The following STAB1 variants were observed in gnomAD, a reference collection of about 807,000 sequenced individuals.
The protein encoded by STAB1 is stabilin 1.
A neutral mutation model predicts 332.4 loss-of-function variants in STAB1; 250 were observed. That is an observed-to-expected ratio of 0.75 (90% CI 0.68 to 0.84). STAB1 has a LOEUF of 0.84. Among genes scored for constraint, STAB1 ranks in the 40% least tolerant of loss-of-function variants. The pLI is 0.00. For synonymous variants in STAB1, 1,475 were observed against 1,390.4 expected, an observed-to-expected ratio of 1.06 and a Z score of -1.35; for missense variants, 3,249 against 3,489.7, an observed-to-expected ratio of 0.93 and a Z score of 1.74.
chr3:52,506,262 G>A lies in STAB1; in HGVS notation c.1830+12G>A, dbSNP rs75916212. ...ACATTTCTGAGGAGGTGAGGTGCAC[G>A]GACACCTGGGCGGATGGTGGGGCTG... On this transcript the variant is annotated intron_variant, in intron 17 of 68. Transcript: ENST00000321725. The A allele has an allele frequency of 1.5e-3, 2,373 of 1,606,996 alleles. 55 individuals are homozygous for A. In the East Asian group the frequency reaches 0.048, roughly 33 times the overall value.
At chr3:52,503,647 G>A (rs1708618622) in intron 8 of STAB1, 107 bp downstream of exon 8, 1 of 1,555,118 alleles carries the variant, frequency 6.4e-7, no homozygotes, top group Non-Finnish European at 8.7e-7. Flanking sequence ...TTCCCCACTT[G>A]TAAAGTGGGG....
At position 52,520,840 on chromosome 3, in the gene STAB1, T is replaced by C. The variant is rs769088486; in HGVS notation, c.5743T>C (p.Phe1915Leu). The C allele has an allele frequency of 2.5e-6, 4 of 1,612,696 alleles. No individual in the cohort carries two copies. Among genetic ancestry groups the C allele is most frequent in the Non-Finnish European group, 3.4e-6 (4 of 1,180,016 alleles). ...GGCCTGCTGGCGCTTCTACCCGAAG[T>C]TCTGGACGTCCCCTCCGCTGCACTC... ...PEACWRFYPKFWTSPPLHSLG... is the reference protein window; with the variant it reads ...PEACWRFYPKLWTSPPLHSLG... Residue 1915 changes from phenylalanine (F) to leucine (L), a missense_variant, in exon 55 of 69, where the codon TTC becomes CTC. By Grantham distance (22) the Phe-to-Leu change is conservative. Coordinates refer to ENST00000321725, the MANE Select transcript of STAB1 (RefSeq NM_015136.3).
At chr3:52,506,145 A>G in intron 16 of STAB1, 25 bp from the exon 17 acceptor site, 1 of 1,603,874 alleles carries the variant, frequency 6.2e-7, no homozygotes, top group Non-Finnish European at 8.5e-7. Context: ...AGCCCAGCCT[A>G]AAGCCACACT....
At chr3:52,515,983 C>G in intron 37 of STAB1, 60 bp from the exon 38 acceptor site, 1 of 1,500,658 alleles carries the variant, frequency 6.7e-7, no homozygotes, top group Non-Finnish European at 8.9e-7. Flanking sequence ...CCCCCGTTCC[C>G]CTTCCCCCTG....
intron 15 of STAB1, 37 bp downstream of exon 15, chr3:52,505,818 G>A: frequency 6.2e-7 from 1 of 1,613,698 alleles, no homozygotes; most frequent in Non-Finnish European, 8.5e-7. Flanking sequence ...GGGTATGGGG[G>A]CACCAGGACC....
chr3:52,524,194 C>T lies in STAB1; in HGVS notation c.7637C>T (p.Thr2546Ile), dbSNP rs1224068418. 4 of 1,614,122 alleles carry T rather than the reference C, an allele frequency of 2.5e-6. No individual in the cohort carries two copies. The Admixed American group carries it at 5.0e-5, about 20-fold the overall frequency. ...CCCAACCCTGTCTTTGGCAGCGACA[C>T]CTTTTGTGAACCCTTCGATGTAAGC... ...SVPNPVFGSD[T>I]FCEPFDDSLL... Residue 2546 changes from threonine to isoleucine, a missense_variant, in exon 68 of 69, where the codon ACC becomes ATC. Coordinates refer to ENST00000321725, the MANE Select transcript of STAB1 (RefSeq NM_015136.3).
chr3:52,504,187 A>G (rs1578365571), intron 10 of STAB1, 32 bp downstream of exon 10: 1 of 1,562,832 alleles, frequency 6.4e-7, no homozygotes, highest in South Asian at 1.2e-5. Context: ...CCACGACCCG[A>G]CCCCTCACCC....
rs773026752 is a variant in STAB1, at chr3:52,518,754, A to C, written c.4919A>C (p.Gln1640Pro). ...DELARIRAHR[Q>P]LVFRYHVVGC... ...CTGGCCCGGATTCGTGCGCATCGCCAGCTGGTGTTTCGCTACCACGTGGTT... is the reference window on the plus strand; with the variant it reads ...CTGGCCCGGATTCGTGCGCATCGCCCGCTGGTGTTTCGCTACCACGTGGTT... The change falls in exon 48 of 69, where the codon CAG becomes CCG. Residue 1640 changes from glutamine (Q) to proline (P), a missense_variant. Physicochemically the swap from Gln to Pro is moderately conservative, Grantham distance 76. Coordinates refer to ENST00000321725, the MANE Select transcript of STAB1 (RefSeq NM_015136.3). 1 of 1,612,540 alleles carries C rather than the reference A, an allele frequency of 6.2e-7. No individual in the cohort carries two copies.
In STAB1 at chr3:52,514,835, A is replaced by AG; in HGVS notation, c.3807+8dup. 1.2e-6 allele frequency: 2 copies of AG among 1,612,802 alleles called. No individual in the cohort carries two copies. The highest frequency in any genetic ancestry group is 2.2e-5 in the South Asian group (2 of 91,066). ...GCCACGCTGAGGCCCTGCGGGTGAG[A>AG]GGCTGGGGCCACAGGAAGGCCGGCA... On this transcript the variant is annotated splice_region_variant and intron_variant, in intron 35 of 68. Coordinates refer to ENST00000321725, the MANE Select transcript of STAB1 (RefSeq NM_015136.3).
chr3:52,516,012 C>A, intron 37 of STAB1, 31 bp from the exon 38 acceptor site: 1 of 1,566,476 alleles, frequency 6.4e-7, no homozygotes, highest in East Asian at 2.3e-5. Context: ...CTGGGCCTCT[C>A]TCGCCCTCTC....
intron 59 of STAB1, 38 bp downstream of exon 59, chr3:52,522,268 G>A (rs747931451): frequency 1.9e-6 from 3 of 1,611,284 alleles, no homozygotes; most frequent in Non-Finnish European, 2.5e-6. Context: ...AGGGTGGGGA[G>A]GCCTGGCAGA....
Position 52,501,674 on chromosome 3 carries a change from G to T in STAB1, c.252G>T (p.Met84Ile). ...AGCTGGGGGGCTCTATGGTGTCCATGAGCGGCTGCAGACGGAAGTGCCGGA... is the reference window on the plus strand; with the variant it reads ...AGCTGGGGGGCTCTATGGTGTCCATTAGCGGCTGCAGACGGAAGTGCCGGA... ...EVQLGGSMVS[M>I]SGCRRKCRKQ... Residue 84 changes from methionine (M) to isoleucine (I), a missense_variant, in exon 3 of 69, where the codon ATG becomes ATT. Coordinates refer to ENST00000321725, the MANE Select transcript of STAB1 (RefSeq NM_015136.3). 6.3e-7 allele frequency: 1 copy of T among 1,577,614 alleles called. No individual in the cohort carries two copies. Among genetic ancestry groups the T allele is most frequent in the South Asian group, 1.2e-5 (1 of 85,974 alleles).
rs766251159 is a variant in STAB1, at chr3:52,503,771, G to A, written c.892-1G>A. 2.5e-6 allele frequency: 4 copies of A among 1,613,080 alleles called. No homozygotes were observed. The South Asian group carries it at 4.4e-5, about 18-fold the overall frequency. On this transcript the variant is annotated splice_acceptor_variant, in intron 8 of 68. Transcript: ENST00000321725. LOFTEE classifies it high-confidence loss of function. ...TCCCCTCCTGCCCTGTCGGGGGCCA[G>A]GCCTTCTGCACCTGCCGGCCAGGCC...
At chr3:52,515,664 G>A (rs1189459653) in intron 37 of STAB1, among the ~76,000 whole-genome samples, 158 bp downstream of exon 37, 1 of 152,174 alleles carries the variant, frequency 6.6e-6, no homozygotes, top group Non-Finnish European at 1.5e-5. Flanking sequence ...AGAGAGGTCT[G>A]AAGTCAGAGG....
rs2079144139 is a variant in STAB1 at position 52,523,311 on chromosome 3, C to T, written c.7110C>T (p.Val2370=). 1 of 1,611,824 alleles carries T rather than the reference C, an allele frequency of 6.2e-7. No homozygotes were observed. The highest frequency in any genetic ancestry group is 1.3e-5 in the African/African-American group (1 of 75,060). Residue 2370 remains valine, a synonymous_variant, in exon 64 of 69, where the codon GTC becomes GTT. Transcript: ENST00000321725. ...AGCTCACGTATAAGACACTCTTCGT[C>T]CCTGTCAATGAAGGCTTTGTGGACA... ...DDELTYKTLF[V]PVNEGFVDNM...
chr3:52,496,993 T>C (rs1007451467), intron 1 of STAB1, among the ~76,000 whole-genome samples: 3 of 152,226 alleles, frequency 2.0e-5, no homozygotes, highest in Non-Finnish European at 4.4e-5. Flanking sequence ...GCATCTCTAC[T>C]GAACATGTTC....
At chr3:52,496,243 C>A (rs1157713355) in intron 1 of STAB1, among the ~76,000 whole-genome samples, 1 of 152,238 alleles carries the variant, frequency 6.6e-6, no homozygotes, top group Admixed American at 6.5e-5. Context: ...GTGACAGGCT[C>A]CTGGCTGCAG....
rs1444222060 is a variant in STAB1 at position 52,522,775 on chromosome 3, C to T, written c.6745C>T (p.Leu2249=). ...TTAGTATCCCCTCCTGTTCCTACAGCTGGGCTTCCACCTGTGCCTCATGGG... is the reference window on the plus strand; with the variant it reads ...TTAGTATCCCCTCCTGTTCCTACAGTTGGGCTTCCACCTGTGCCTCATGGG... ...SFPQLSAAQQ[L]GFHLCLMGWL... Residue 2249 remains leucine (L), a splice_region_variant and synonymous_variant, in exon 62 of 69, where the codon CTG becomes TTG. Transcript: ENST00000321725. 1 of 1,613,074 alleles carries T rather than the reference C, an allele frequency of 6.2e-7. No homozygotes were observed. The highest frequency in any genetic ancestry group is 1.3e-5 in the African/African-American group (1 of 75,056).
chr3:52,522,766 T>A lies in STAB1; in HGVS notation c.6745-9T>A. ...TCTTGGGTCTTAGTATCCCCTCCTG[T>A]TCCTACAGCTGGGCTTCCACCTGTG... is the stretch of plus-strand genomic sequence containing the variant. On this transcript the variant is annotated splice_polypyrimidine_tract_variant and intron_variant, in intron 61 of 68. Coordinates refer to ENST00000321725, the MANE Select transcript of STAB1 (RefSeq NM_015136.3). 6.2e-7 allele frequency: 1 copy of A among 1,612,950 alleles called. No individual in the cohort carries two copies. Among genetic ancestry groups the A allele is most frequent in the Non-Finnish European group, 8.5e-7 (1 of 1,179,892 alleles).
Sources: gnomAD v4.1 joint callset for allele counts (sites outside exome capture counted in the v4.1 genomes callset) on GRCh38, gnomAD v4.1.1 for gene constraint, MANE v1.5 for transcripts, NCBI Gene and HGNC (gene_info 2026-07-23, HGNC 2026-07-21) for gene names.